PNCK: variants seen among roughly 807,000 people sequenced by gnomAD.
PNCK encodes pregnancy up-regulated nonubiquitous CaM kinase.
In PNCK, 21 loss-of-function variants were observed where a neutral mutation model predicts 28.3. The observed-to-expected ratio is 0.74, with a 90% CI of 0.53 to 1.07. PNCK has a LOEUF of 1.07. Among genes scored for constraint, PNCK ranks in the 50% least tolerant of loss-of-function variants. The pLI, the probability that PNCK is intolerant of heterozygous loss-of-function variation, is 0.00. For synonymous variants in PNCK, 136 were observed against 125.2 expected, an observed-to-expected ratio of 1.09 and a Z score of -0.58; for missense variants, 250 against 298.3, an observed-to-expected ratio of 0.84 and a Z score of 1.19.
chrX:153,685,368 C>T (rs7065294), intron 1 of PNCK, among the ~76,000 whole-genome samples: 2,672 of 111,109 alleles, frequency 0.024, 76 homozygotes, highest in African/African-American at 0.08. Context: ...GACCCTGTCA[C>T]TGGCCGCCCG....
intron 2 of PNCK, 47 bp downstream of exon 2, chrX:153,672,962 C>G (rs1275045643): frequency 9.3e-7 from 1 of 1,070,837 alleles, no homozygotes; most frequent in African/African-American, 2.1e-5. Flanking sequence ...GGTACACACA[C>G]ACACACACAC....
In PNCK at chrX:153,673,008, C is replaced by T; in HGVS notation, c.68+1G>A. On this transcript the variant is annotated splice_donor_variant, in intron 2 of 11. Coordinates refer to ENST00000340888, the MANE Select transcript of PNCK (RefSeq NM_001366977.1). LOFTEE classifies it high-confidence loss of function. ...GATCACACACGCGCGCGCACACTCACGAGCCGAGCCTCTCGCGGATCTCGT... is the reference window on the plus strand; with the variant it reads ...GATCACACACGCGCGCGCACACTCATGAGCCGAGCCTCTCGCGGATCTCGT... 2 of 1,182,645 alleles carry T rather than the reference C, an allele frequency of 1.7e-6. No homozygotes were observed. The highest frequency in any genetic ancestry group is 1.9e-5 in the South Asian group (1 of 53,892).
At chrX:153,676,670 C>T (rs1249611630), upstream of PNCK, among the ~76,000 whole-genome samples, 1 of 110,891 alleles carries the variant, frequency 9.0e-6, no homozygotes, top group Non-Finnish European at 1.9e-5. Context: ...TCGACACCAG[C>T]CTGGCCAACA....
rs781940019 is a variant in PNCK at position 153,680,726 on chromosome X, C to CA, written c.-3+6704dup. On this transcript the variant is annotated intron_variant, in intron 1 of 3. Transcript: ENST00000419804. ...TGGGCAACAGAGTGAGACTCTGTCT[C>CA]AAAAAAAAACCTAGCCTTCAGGGCT... 7.4e-3 allele frequency among the ~76,000 whole-genome samples: 789 copies of CA among 106,920 alleles called. 1 individual carries two copies. The highest frequency in any genetic ancestry group is 0.011 in the Non-Finnish European group (545 of 51,682). 92.8% of individuals were successfully genotyped at this position (106,920 alleles called of 115,157 possible).
At chrX:153,673,990 C>A, upstream of PNCK, 2 of 1,162,745 alleles carry the variant, frequency 1.7e-6, no homozygotes, top group South Asian at 3.8e-5. Flanking sequence ...GCCCACTGCT[C>A]GCTCGCGCCG....
In PNCK at chrX:153,670,571, G is replaced by A; in HGVS notation, c.918C>T (p.Phe306=). ...HWKRAFNATS[F]LRHIRKLGQI... is the part of the protein sequence containing the mutation. ...GCCCCAGCTTCCGGATGTGGCGCAGGAACGAGGTGGCATTGAAGGCTCGCT... is the reference window on the plus strand; with the variant it reads ...GCCCCAGCTTCCGGATGTGGCGCAGAAACGAGGTGGCATTGAAGGCTCGCT... The change falls in exon 11 of 12, where the codon TTC becomes TTT. Residue 306 remains phenylalanine (F), a synonymous_variant. Coordinates refer to ENST00000340888, the MANE Select transcript of PNCK (RefSeq NM_001366977.1). 1 of 1,211,108 alleles carries A rather than the reference G, an allele frequency of 8.3e-7. No homozygotes were observed. The highest frequency in any genetic ancestry group is 1.1e-6 in the Non-Finnish European group (1 of 895,335).
chrX:153,677,675 TGTGTATATATA>T (rs1381721241), upstream of PNCK, among the ~76,000 whole-genome samples: 2 of 85,902 alleles, frequency 2.3e-5, no homozygotes, highest in Non-Finnish European at 4.8e-5. Context: ...ATATATATAG[TGTGTATATATA>T]GTGTATATAT....
At chrX:153,671,402 G>A (rs781895157) in intron 6 of PNCK, 42 bp from the exon 7 acceptor site, 34 of 1,210,267 alleles carry the variant, frequency 2.8e-5, no homozygotes, top group Admixed American at 1.7e-4. Context: ...AGGCACACAC[G>A]CAGCCATGCC....
At chrX:153,673,247 GCCACCGCATACACGCCT>G (rs1377051891) in intron 1 of PNCK, 169 bp from the exon 2 acceptor site, 35 of 1,195,788 alleles carry the variant, frequency 2.9e-5, no homozygotes, top group Non-Finnish European at 3.7e-5. Flanking sequence ...TCCCAGCGAG[GCCACCGCATACACGCCT>G]CCACATCCCA....
rs782035474 is a variant in PNCK at position 153,672,555 on chromosome X, G to C, written c.200+11C>G. On this transcript the variant is annotated intron_variant, in intron 3 of 11. Transcript: ENST00000340888. ...CCTATGCCCCGTCCCAGGGCCCCGCGAGGTGCGCACCTACGGAGCACTGCG... is the reference window on the plus strand; with the variant it reads ...CCTATGCCCCGTCCCAGGGCCCCGCCAGGTGCGCACCTACGGAGCACTGCG... 8.3e-7 allele frequency: 1 copy of C among 1,201,908 alleles called. No individual in the cohort carries two copies. Among genetic ancestry groups the C allele is most frequent in the Admixed American group, 2.2e-5 (1 of 45,705 alleles).
intron 2 of PNCK, 28 bp downstream of exon 2, chrX:153,672,981 A>G: frequency 8.8e-7 from 1 of 1,137,551 alleles, no homozygotes. Flanking sequence ...ACACACACAC[A>G]CGATCACACA....
intron 1 of PNCK, among the ~76,000 whole-genome samples, chrX:153,686,247 C>T (rs782431319): frequency 8.9e-6 from 1 of 112,102 alleles, no homozygotes; most frequent in East Asian, 2.8e-4. Flanking sequence ...GAGGAGTAAC[C>T]GCAGCAGTGG....
intron 6 of PNCK, 51 bp downstream of exon 6, chrX:153,671,498 G>C (rs1557039828): frequency 8.3e-7 from 1 of 1,210,513 alleles, no homozygotes. Flanking sequence ...GGCTGTCTAG[G>C]GTCCCCCAGG....
At chrX:153,678,917 C>G (rs2091382278), upstream of PNCK, among the ~76,000 whole-genome samples, 1 of 108,083 alleles carries the variant, frequency 9.3e-6, no homozygotes, top group South Asian at 4.0e-4. Context: ...CTTTGTCAGG[C>G]TTTTTACTAT....
intron 1 of PNCK, chrX:153,687,017 A>C (rs1468297719): frequency 7.3e-6 from 1 of 136,572 alleles, no homozygotes; most frequent in African/African-American, 3.2e-5. Flanking sequence ...CAGGACAATG[A>C]CCACTTCCTT....
upstream of PNCK, among the ~76,000 whole-genome samples, chrX:153,677,778 T>C (rs868994068): frequency 9.6e-6 from 1 of 103,777 alleles, no homozygotes; most frequent in African/African-American, 3.5e-5. Flanking sequence ...TGTATATATA[T>C]AGTGTGTATA....
chrX:153,681,944 CAGAT>C (rs61108510), intron 1 of PNCK, among the ~76,000 whole-genome samples: 9,605 of 111,179 alleles, frequency 0.086, 1,044 homozygotes, highest in African/African-American at 0.3. Flanking sequence ...GCTCACTGCC[CAGAT>C]AGATAGAGCC....
intron 5 of PNCK, 70 bp from the exon 6 acceptor site, chrX:153,671,742 G>A: frequency 1.7e-6 from 2 of 1,165,103 alleles, no homozygotes; most frequent in African/African-American, 1.8e-5. Flanking sequence ...GACAGGATGG[G>A]GACTAGGCAC....
upstream of PNCK, among the ~76,000 whole-genome samples, chrX:153,677,849 GTA>G (rs1190245288): frequency 9.5e-6 from 1 of 104,988 alleles, no homozygotes; most frequent in African/African-American, 3.5e-5. Flanking sequence ...TATATAGTCT[GTA>G]TATAGTGTGT....
Sources: gnomAD v4.1 joint callset for allele counts (sites outside exome capture counted in the v4.1 genomes callset) on GRCh38, gnomAD v4.1.1 for gene constraint, MANE v1.5 for transcripts, NCBI Gene and HGNC (gene_info 2026-07-23, HGNC 2026-07-21) for gene names.